Variants in RNF144A observed in about 807,000 individuals in gnomAD.
The protein encoded by RNF144A is ring finger protein 144A, also known as E3 ubiquitin-protein ligase RNF144A.
A neutral mutation model predicts 38.7 loss-of-function variants in RNF144A; 11 were observed. That is an observed-to-expected ratio of 0.28 (90% confidence interval 0.18 to 0.47). The LOEUF is 0.47. Among genes scored for constraint, RNF144A ranks in the 20% least tolerant of loss-of-function variants. The probability of loss-of-function intolerance (pLI) is 0.99; values close to 1 mark genes in which losing one functional copy is unlikely to be tolerated. For missense variants in RNF144A, 316 were observed against 377.2 expected (o/e 0.84, Z 1.34); for synonymous variants, 149 against 143.9 (o/e 1.04, Z -0.25).
intron 8 of RNF144A, among the ~76,000 whole-genome samples, chr2:7,032,310 G>T (rs1056834921): frequency 1.3e-5 from 2 of 151,134 alleles, no homozygotes; most frequent in Middle Eastern, 3.4e-3. Flanking sequence ...GCCCCTTGCA[G>T]CTCTGCTGGA....
chr2:6,976,444 A>G (rs962182955), intron 2 of RNF144A, among the ~76,000 whole-genome samples: 1 of 151,834 alleles, frequency 6.6e-6, no homozygotes, highest in African/African-American at 2.4e-5. Context: ...TTACTTCTCA[A>G]TTTATAAAGT....
chr2:7,074,455 T>A, the RNF144A span: 4 of 152,236 alleles, frequency 2.6e-5, no homozygotes, highest in Admixed American at 2.6e-4. Flanking sequence ...TTGACACATG[T>A]TATTTTTGTA....
rs1666159652 is a variant in RNF144A, at chr2:6,943,681, G to A, written c.-12+2534G>A. ...ACTGGCTTTAGGAGGAACACGGATA[G>A]TTACCAGTGGGGATGGACCAAATGA... On this transcript the variant is annotated intron_variant, in intron 2 of 8. Transcript: ENST00000320892. The surrounding 1 kb of genome is among the most constrained non-coding windows in gnomAD (Gnocchi z 4.3). 6.6e-6 allele frequency among the ~76,000 whole-genome samples: 1 copy of A among 152,190 alleles called. No homozygotes were observed. The highest frequency in any genetic ancestry group is 2.4e-5 in the African/African-American group (1 of 41,456).
intron 8 of RNF144A, among the ~76,000 whole-genome samples, chr2:7,031,833 G>A (rs765173306): frequency 3.9e-5 from 6 of 152,260 alleles, no homozygotes; most frequent in Admixed American, 6.5e-5. Context: ...CTCGCAGGCC[G>A]TAGGCCTCTG....
rs1261414878 is a variant in RNF144A, at chr2:6,944,242, A to G, written c.-12+3095A>G. ...ATGGAGAAAGGACCTGCAGTGGCAC[A>G]GGCAGTGATCTGAGGTGGTGTGAGG... On this transcript the variant is annotated intron_variant, in intron 2 of 8. Coordinates refer to ENST00000320892, the MANE Select transcript of RNF144A (RefSeq NM_014746.6). The surrounding 1 kb of genome is among the most constrained non-coding windows in gnomAD (Gnocchi z 4.7). 6.6e-6 allele frequency among the ~76,000 whole-genome samples: 1 copy of G among 152,164 alleles called. No homozygotes were observed. Among genetic ancestry groups the G allele is most frequent in the East Asian group, 1.9e-4 (1 of 5,180 alleles).
chr2:7,058,439 T>G (rs912846988), intron 6 of RNF144A, among the ~76,000 whole-genome samples: 4 of 152,136 alleles, frequency 2.6e-5, no homozygotes, highest in Non-Finnish European at 5.9e-5. Context: ...TATAGAAAAC[T>G]TCTACAAATT....
chr2:6,931,164 A>C (rs1230964888), intron 1 of RNF144A, among the ~76,000 whole-genome samples: 2 of 152,212 alleles, frequency 1.3e-5, no homozygotes. Context: ...GGTCGTGGTC[A>C]GTGCTTGAGC....
intron 8 of RNF144A, among the ~76,000 whole-genome samples, chr2:7,034,463 A>G (rs1672530936): frequency 6.6e-6 from 1 of 152,140 alleles, no homozygotes; most frequent in Non-Finnish European, 1.5e-5. Context: ...GAGTCCGTGT[A>G]AAGAGCTCGC....
At chr2:6,921,062 C>T (rs1417643266) in intron 1 of RNF144A, among the ~76,000 whole-genome samples, 4 of 152,292 alleles carry the variant, frequency 2.6e-5, no homozygotes, top group Admixed American at 2.6e-4. Flanking sequence ...TACAACCATT[C>T]GTAAGGGTTT....
intron 2 of RNF144A, among the ~76,000 whole-genome samples, chr2:6,984,113 C>T (rs1185513756): frequency 2.0e-5 from 3 of 152,096 alleles, no homozygotes; most frequent in Non-Finnish European, 4.4e-5. Context: ...GCCCCAGCTC[C>T]CTCTCCCTGC....
chr2:7,063,146 A>C (rs1330387561), intron 6 of RNF144A, among the ~76,000 whole-genome samples: 1 of 152,212 alleles, frequency 6.6e-6, no homozygotes, highest in Admixed American at 6.5e-5. Flanking sequence ...GAAATTATGA[A>C]GCTCCTAACA....
rs1558460782 is a variant in RNF144A, at chr2:7,043,500, A to G, written c.*3740A>G. ...AATCACAAGGAGATCATCAAGGGAA[A>G]ACATTTTGCATGTGTAAAGCTTCAT... On this transcript the variant is annotated 3_prime_UTR_variant, in exon 9 of 9. Coordinates refer to ENST00000320892, the MANE Select transcript of RNF144A (RefSeq NM_014746.6). 1 of 985,792 alleles carries G rather than the reference A, an allele frequency of 1.0e-6. No homozygotes were observed. 61.1% of individuals were successfully genotyped at this position (985,792 alleles called of 1,614,324 possible).
intron 2 of RNF144A, among the ~76,000 whole-genome samples, chr2:6,976,917 G>A (rs1419933573): frequency 6.6e-6 from 1 of 151,986 alleles, no homozygotes; most frequent in Non-Finnish European, 1.5e-5. Flanking sequence ...ATACGCCTTT[G>A]AAAATATTAT....
chr2:7,017,751 G>A (rs1161999813), intron 5 of RNF144A, among the ~76,000 whole-genome samples: 2 of 149,996 alleles, frequency 1.3e-5, no homozygotes, highest in African/African-American at 2.5e-5. Flanking sequence ...GTGTAGATTG[G>A]GGAGGATAAT....
intron 6 of RNF144A, among the ~76,000 whole-genome samples, chr2:7,021,872 G>A (rs912808722): frequency 1.3e-5 from 2 of 152,254 alleles, no homozygotes; most frequent in Non-Finnish European, 2.9e-5. Context: ...AGGCTGGTGA[G>A]TGTTTGGAGC....
intron 2 of RNF144A, among the ~76,000 whole-genome samples, chr2:6,989,215 T>G (rs1466239305): frequency 1.3e-5 from 2 of 152,250 alleles, no homozygotes; most frequent in Non-Finnish European, 2.9e-5. Flanking sequence ...ACATATTTCT[T>G]TATTAGCCAC....
At position 6,949,687 on chromosome 2, in the gene RNF144A, T is replaced by C. The variant is rs1666555671; in HGVS notation, c.-12+8540T>C. 2.0e-5 allele frequency among the ~76,000 whole-genome samples: 3 copies of C among 152,188 alleles called. 1 individual carries two copies. In the South Asian group the frequency reaches 6.2e-4, roughly 32 times the overall value. On this transcript the variant is annotated intron_variant, in intron 2 of 8. Transcript: ENST00000320892. ...GAGACCTGCACTCAGCCAGGCTATT[T>C]GTGTGTTCTTTCAATTCATTGACAA...
At chr2:7,010,318 G>A (rs1670712728) in intron 3 of RNF144A, among the ~76,000 whole-genome samples, 1 of 152,178 alleles carries the variant, frequency 6.6e-6, no homozygotes, top group Non-Finnish European at 1.5e-5. Context: ...AGCCTTGTGT[G>A]TGATTCCAGG....
chr2:7,044,110 T>C lies in RNF144A; in HGVS notation c.*4350T>C. The C allele has an allele frequency of 1.0e-6, 1 of 985,838 alleles. No homozygotes were observed. Among genetic ancestry groups the C allele is most frequent in the African/African-American group, 1.7e-5 (1 of 57,376 alleles). 61.1% of individuals were successfully genotyped at this position (985,838 alleles called of 1,614,324 possible). On this transcript the variant is annotated 3_prime_UTR_variant, in exon 9 of 9. Coordinates refer to ENST00000320892, the MANE Select transcript of RNF144A (RefSeq NM_014746.6). ...TTTAAATGTATTGTGTCTTACGTAG[T>C]TTGTCCCCCCCTTTAGCAGGGATTC...
Sources: allele counts gnomAD v4.1 joint callset (sites outside exome capture counted in the v4.1 genomes callset), GRCh38; gene constraint gnomAD v4.1.1; non-coding constraint Gnocchi (gnomAD v3.1); transcripts MANE v1.5; gene names NCBI Gene and HGNC (gene_info 2026-07-23, HGNC 2026-07-21).